KAZN: variants seen among roughly 807,000 people sequenced by gnomAD.
The protein encoded by KAZN is kazrin.
Under a neutral mutation model 87.4 loss-of-function variants are expected in KAZN, and 40 were observed. That is an observed-to-expected ratio of 0.46 (90% CI 0.36 to 0.60). The LOEUF (loss-of-function observed/expected upper bound fraction) is 0.60, where lower values mean the gene tolerates loss of function less well. KAZN is among the 20% of genes least tolerant of loss of function. The pLI, the probability that KAZN is intolerant of heterozygous loss-of-function variation, is 0.00. For missense variants in KAZN, 898 were observed against 1,073.9 expected (o/e 0.84, Z 2.29); for synonymous variants, 466 against 458.3 (o/e 1.02, Z -0.22).
chr1:14,991,768 C>T (rs1360567246), intron 2 of KAZN, among the ~76,000 whole-genome samples: 2 of 152,180 alleles, frequency 1.3e-5, no homozygotes, highest in Non-Finnish European at 2.9e-5. Context: ...CAGCAGATTC[C>T]GCCCTGGACC....
At chr1:14,997,257 T>G (rs902685484) in intron 2 of KAZN, among the ~76,000 whole-genome samples, 58 of 143,748 alleles carry the variant, frequency 4.0e-4, no homozygotes, top group Non-Finnish European at 1.8e-4. Context: ...TTATTTATTT[T>G]GAGACAAAGT....
intron 1 of KAZN, among the ~76,000 whole-genome samples, chr1:14,763,799 C>T (rs939221975): frequency 6.6e-6 from 1 of 152,140 alleles, no homozygotes; most frequent in African/African-American, 2.4e-5. Context: ...GCCCAGGCTG[C>T]AGTGCAATGG....
chr1:14,021,761 C>G (rs1013561010), intron 1 of KAZN, among the ~76,000 whole-genome samples: 6 of 152,178 alleles, frequency 3.9e-5, no homozygotes, highest in African/African-American at 1.4e-4. Context: ...TCCTGATGGT[C>G]AGCATCTTAT....
intron 2 of KAZN, among the ~76,000 whole-genome samples, chr1:14,236,805 T>C (rs892234771): frequency 1.3e-5 from 2 of 151,978 alleles, no homozygotes; most frequent in Non-Finnish European, 2.9e-5. Flanking sequence ...GCACCTGTAG[T>C]CCCAGCTACA....
chr1:14,784,186 G>A (rs916339342), intron 1 of KAZN, among the ~76,000 whole-genome samples: 1 of 152,144 alleles, frequency 6.6e-6, no homozygotes, highest in Non-Finnish European at 1.5e-5. Flanking sequence ...CCTCAGCTCT[G>A]CTCCCACATC....
At chr1:14,550,081 C>G (rs1323876886) in intron 2 of KAZN, among the ~76,000 whole-genome samples, 1 of 152,212 alleles carries the variant, frequency 6.6e-6, no homozygotes, top group Admixed American at 6.5e-5. Context: ...GTACGCACAC[C>G]TGTTGTGGAG....
chr1:14,853,712 C>T (rs1649739229), intron 1 of KAZN, among the ~76,000 whole-genome samples: 1 of 152,188 alleles, frequency 6.6e-6, no homozygotes, highest in South Asian at 2.1e-4. Flanking sequence ...TGGCCCCTCT[C>T]CCAGCCAGTC....
At chr1:14,822,828 C>G (rs1477201949) in intron 1 of KAZN, among the ~76,000 whole-genome samples, 1 of 152,114 alleles carries the variant, frequency 6.6e-6, no homozygotes, top group African/African-American at 2.4e-5. Context: ...CACATGAAGA[C>G]AGGGCTGCAT....
chr1:14,279,250 C>T (rs1310848877), intron 2 of KAZN, among the ~76,000 whole-genome samples: 4 of 152,050 alleles, frequency 2.6e-5, no homozygotes, highest in Non-Finnish European at 5.9e-5. Context: ...ATCCTTTATC[C>T]CAAATTCACC....
intron 1 of KAZN, among the ~76,000 whole-genome samples, chr1:14,140,536 C>A (rs13313062): frequency 0.045 from 6,783 of 152,124 alleles, 527 homozygotes; most frequent in African/African-American, 0.15. Flanking sequence ...TTCCCACCCC[C>A]CTTTTCGCTA....
At chr1:14,496,845 A>C (rs1260877975) in intron 2 of KAZN, among the ~76,000 whole-genome samples, 1 of 152,112 alleles carries the variant, frequency 6.6e-6, no homozygotes, top group Non-Finnish European at 1.5e-5. Flanking sequence ...TTACCAAAAA[A>C]AGAAAAAAAA....
intron 1 of KAZN, among the ~76,000 whole-genome samples, chr1:14,780,522 T>G: frequency 6.6e-6 from 1 of 152,196 alleles, no homozygotes; most frequent in East Asian, 1.9e-4. Context: ...GAGCCTCCGG[T>G]TTCTCTTCTG....
At chr1:14,009,395 A>G (rs983120995) in intron 1 of KAZN, among the ~76,000 whole-genome samples, 1 of 152,198 alleles carries the variant, frequency 6.6e-6, no homozygotes, top group Non-Finnish European at 1.5e-5. Flanking sequence ...CCAGTTTTCC[A>G]TAGTGGCCGT....
intron 1 of KAZN, among the ~76,000 whole-genome samples, chr1:14,900,363 G>A (rs1010529622): frequency 6.6e-6 from 1 of 152,158 alleles, no homozygotes; most frequent in African/African-American, 2.4e-5. Flanking sequence ...AATTTGCAGA[G>A]TTGAAGCCAG....
intron 1 of KAZN, among the ~76,000 whole-genome samples, chr1:13,969,429 G>C (rs943075095): frequency 1.3e-5 from 2 of 152,198 alleles, no homozygotes; most frequent in African/African-American, 4.8e-5. Context: ...GCAGACTTTA[G>C]GATGATGCCT....
At chr1:14,175,642 T>C (rs922068650) in intron 1 of KAZN, among the ~76,000 whole-genome samples, 1 of 152,180 alleles carries the variant, frequency 6.6e-6, no homozygotes. Context: ...TAGATGCAGT[T>C]TGAGAACCCC....
chr1:14,574,565 C>G (rs542576015), intron 2 of KAZN, among the ~76,000 whole-genome samples: 1 of 152,192 alleles, frequency 6.6e-6, no homozygotes, highest in East Asian at 1.9e-4. Context: ...CTTTCATCTT[C>G]TGCCGTGATT....
chr1:14,262,771 G>A (rs1409269648), intron 2 of KAZN, among the ~76,000 whole-genome samples: 1 of 152,186 alleles, frequency 6.6e-6, no homozygotes, highest in Admixed American at 6.5e-5. Flanking sequence ...AAGGCAGTTT[G>A]TACAAGTCGT....
At chr1:14,206,761 A>G (rs1646754364) in intron 2 of KAZN, among the ~76,000 whole-genome samples, 1 of 147,162 alleles carries the variant, frequency 6.8e-6, no homozygotes, top group Non-Finnish European at 1.5e-5. Flanking sequence ...TTCCCATGCC[A>G]TTAAACATTC....
Sources: allele counts gnomAD v4.1 joint callset (sites outside exome capture counted in the v4.1 genomes callset), GRCh38; gene constraint gnomAD v4.1.1; transcripts MANE v1.5; gene names NCBI Gene and HGNC (gene_info 2026-07-23, HGNC 2026-07-21).